Variants in CSMD1 observed in about 807,000 individuals in gnomAD.
CSMD1 encodes CUB and Sushi multiple domains 1.
A neutral mutation model predicts 417.5 loss-of-function variants in CSMD1; 213 were observed. That is an observed-to-expected ratio of 0.51 (90% CI 0.46 to 0.57). CSMD1 has a LOEUF of 0.57. CSMD1 is among the 20% of genes least tolerant of loss of function. The probability of loss-of-function intolerance (pLI) is 0.00; values close to 1 mark genes in which losing one functional copy is unlikely to be tolerated. For synonymous variants in CSMD1, 2,862 were observed against 1,736.8 expected (o/e 1.65, Z -16.11); for missense variants, 6,923 against 4,529.7 (o/e 1.53, Z -15.17).
chr8:4,247,938 A>G (rs1189060889), intron 3 of CSMD1, among the ~76,000 whole-genome samples: 1 of 152,174 alleles, frequency 6.6e-6, no homozygotes, highest in Non-Finnish European at 1.5e-5. Flanking sequence ...CATTAATCAA[A>G]TATTCATAAT....
intron 5 of CSMD1, among the ~76,000 whole-genome samples, chr8:3,988,897 A>C (rs1481079851): frequency 6.6e-6 from 1 of 152,234 alleles, no homozygotes; most frequent in Non-Finnish European, 1.5e-5. Context: ...AACCAAAGTA[A>C]GATCAATGTT....
intron 58 of CSMD1, 107 bp from the exon 59 acceptor site, chr8:2,966,061 T>C: frequency 1.0e-6 from 1 of 993,592 alleles, no homozygotes; most frequent in Non-Finnish European, 1.5e-6. Context: ...TTCACAGTGG[T>C]TAAGCAGTGA....
chr8:4,026,114 C>G (rs991934753), intron 4 of CSMD1, among the ~76,000 whole-genome samples: 2 of 152,042 alleles, frequency 1.3e-5, no homozygotes, highest in Non-Finnish European at 2.9e-5. Context: ...TGAATTATCT[C>G]AGTCCATATG....
At chr8:4,867,640 C>T (rs913491250) in intron 1 of CSMD1, among the ~76,000 whole-genome samples, 2 of 151,826 alleles carry the variant, frequency 1.3e-5, no homozygotes, top group Non-Finnish European at 2.9e-5. Context: ...TGTCGCAATG[C>T]CAGATTGGAA....
chr8:3,409,851 A>C (rs537937854), intron 12 of CSMD1, among the ~76,000 whole-genome samples: 1 of 152,270 alleles, frequency 6.6e-6, no homozygotes, highest in South Asian at 2.1e-4. Context: ...GGCTACACAG[A>C]TACGCTGACA....
chr8:3,439,281 G>C (rs1452731299), intron 12 of CSMD1, among the ~76,000 whole-genome samples: 1 of 54,336 alleles, frequency 1.8e-5, no homozygotes, highest in Non-Finnish European at 3.3e-5. Flanking sequence ...GGCAATGTCA[G>C]TATATATATA....
At position 3,975,448 on chromosome 8, in the gene CSMD1, T is replaced by G. The variant is rs73494958; in HGVS notation, c.818+22455A>C. Among the ~76,000 whole-genome samples, 814 of 152,176 alleles carry G rather than the reference T, an allele frequency of 5.3e-3. 8 individuals are homozygous for G. Among genetic ancestry groups the G allele is most frequent in the African/African-American group, 0.019 (781 of 41,510 alleles). ...TTTACAACCCTTAGAAAAATTCAAT[T>G]AGAAAATGCACTAATACATCACAGT... On this transcript the variant is annotated intron_variant, in intron 5 of 69. Transcript: ENST00000635120.
intron 3 of CSMD1, among the ~76,000 whole-genome samples, chr8:4,167,544 T>G (rs144995201): frequency 6.6e-6 from 1 of 152,180 alleles, no homozygotes; most frequent in Non-Finnish European, 1.5e-5. Context: ...TATAAAATCT[T>G]GCTTGTTGCA....
intron 3 of CSMD1, among the ~76,000 whole-genome samples, chr8:4,086,114 T>C (rs903798051): frequency 2.0e-5 from 3 of 152,234 alleles, no homozygotes; most frequent in Non-Finnish European, 4.4e-5. Flanking sequence ...AGTTATTCTA[T>C]GAGGTAGATG....
intron 54 of CSMD1, among the ~76,000 whole-genome samples, chr8:2,994,596 CAT>C (rs1187974358): frequency 1.3e-5 from 2 of 152,120 alleles, no homozygotes; most frequent in Non-Finnish European, 2.9e-5. Flanking sequence ...AAAAACAACT[CAT>C]ATGTGGTAAA....
chr8:4,652,783 G>A (rs917457649), intron 1 of CSMD1, among the ~76,000 whole-genome samples: 26 of 152,178 alleles, frequency 1.7e-4, no homozygotes, highest in Non-Finnish European at 2.8e-4. Flanking sequence ...CAATTTTTCT[G>A]TGAAGGGTGT....
intron 2 of CSMD1, among the ~76,000 whole-genome samples, chr8:4,443,042 T>G (rs562622448): frequency 6.6e-6 from 1 of 152,344 alleles, no homozygotes; most frequent in South Asian, 2.1e-4. Context: ...CGATTGTAAT[T>G]GTGAATATAC....
chr8:4,387,694 G>C (rs1341143704), intron 3 of CSMD1, among the ~76,000 whole-genome samples: 1 of 150,358 alleles, frequency 6.7e-6, no homozygotes, highest in Non-Finnish European at 1.5e-5. Flanking sequence ...CAAAGAGACA[G>C]CCTTGAGGCA....
intron 3 of CSMD1, among the ~76,000 whole-genome samples, chr8:4,077,303 A>ATATATATATATATATATATATATATGTG (rs1799878705): frequency 4.9e-5 from 4 of 81,548 alleles, no homozygotes; most frequent in Non-Finnish European, 1.4e-4. Context: ...ATGTGTATAT[A>ATATATATATATATATATATATATATGTG]TATATATATA....
intron 37 of CSMD1, among the ~76,000 whole-genome samples, chr8:3,177,448 C>T (rs1327285464): frequency 6.6e-6 from 1 of 152,178 alleles, no homozygotes; most frequent in African/African-American, 2.4e-5. Context: ...GCAGCAAAAC[C>T]TGTCATTTCA....
chr8:3,339,898 T>A (rs1807531380), intron 23 of CSMD1, among the ~76,000 whole-genome samples: 1 of 152,228 alleles, frequency 6.6e-6, no homozygotes, highest in South Asian at 2.1e-4. Context: ...CATAGACAAG[T>A]CTGTAATAAA....
intron 66 of CSMD1, among the ~76,000 whole-genome samples, chr8:2,950,758 TATTA>T (rs1291875066): frequency 6.6e-6 from 1 of 152,192 alleles, no homozygotes; most frequent in South Asian, 2.1e-4. Flanking sequence ...TGTTTTATTT[TATTA>T]ATTGTGTGAT....
chr8:3,490,158 T>C (rs916311097), intron 11 of CSMD1, among the ~76,000 whole-genome samples: 1 of 152,226 alleles, frequency 6.6e-6, no homozygotes, highest in Non-Finnish European at 1.5e-5. Flanking sequence ...AGGACATATA[T>C]CAGTGGCTTT....
intron 2 of CSMD1, among the ~76,000 whole-genome samples, chr8:4,477,524 C>T (rs1156241597): frequency 3.3e-5 from 5 of 152,202 alleles, no homozygotes; most frequent in Non-Finnish European, 7.3e-5. Flanking sequence ...CTGGCATTTT[C>T]ACACGATGCT....
Sources: allele counts gnomAD v4.1 joint callset (sites outside exome capture counted in the v4.1 genomes callset), GRCh38; gene constraint gnomAD v4.1.1; transcripts MANE v1.5; gene names NCBI Gene and HGNC (gene_info 2026-07-23, HGNC 2026-07-21).